The following OLFM2 variants were observed in gnomAD, a reference collection of about 807,000 sequenced individuals.
OLFM2 encodes the protein noelin-2.
Under a neutral mutation model 43.9 loss-of-function variants are expected in OLFM2, and 20 were observed. The ratio of observed to expected loss-of-function variants is 0.46; its 90% CI spans 0.32 to 0.66. OLFM2 has a LOEUF of 0.66. Among genes scored for constraint, OLFM2 ranks in the 30% least tolerant of loss-of-function variants. OLFM2 has a pLI of 0.04. For missense variants in OLFM2, 416 were observed against 643.6 expected, an observed-to-expected ratio of 0.65 and a Z score of 3.83; for synonymous variants, 268 against 278.6, an observed-to-expected ratio of 0.96 and a Z score of 0.38.
At chr19:9,875,183 C>A (rs1336147582) in intron 1 of OLFM2, among the ~76,000 whole-genome samples, 1 of 152,152 alleles carries the variant, frequency 6.6e-6, no homozygotes, top group Non-Finnish European at 1.5e-5. Context: ...GGATTCATTT[C>A]TTTAATATTT....
intron 1 of OLFM2, among the ~76,000 whole-genome samples, chr19:9,922,027 G>C (rs938826432): frequency 6.6e-6 from 1 of 151,514 alleles, no homozygotes; most frequent in Admixed American, 6.6e-5. Context: ...CCGGGAGATC[G>C]AGGCTGCAGT....
chr19:9,912,933 T>C (rs2046839218), intron 1 of OLFM2, among the ~76,000 whole-genome samples: 1 of 150,056 alleles, frequency 6.7e-6, no homozygotes, highest in Non-Finnish European at 1.5e-5. Flanking sequence ...GAAATATTAA[T>C]AGAAAGAGAC....
intron 1 of OLFM2, among the ~76,000 whole-genome samples, chr19:9,935,907 G>A (rs1395490585): frequency 6.6e-6 from 1 of 152,184 alleles, no homozygotes; most frequent in African/African-American, 2.4e-5. Context: ...TGCAGGCGAG[G>A]AGTGGAGGGC....
At position 9,879,226 on chromosome 19, in the gene OLFM2, G is replaced by A. The variant is rs1379869708; in HGVS notation, c.64-18432C>T. On this transcript the variant is annotated intron_variant, in intron 1 of 5. Transcript: ENST00000264833. ...CAGCTCGTTGCAACCTCCGCCTCCC[G>A]GGTTCAAGCGATTCTCCTGCCTCAG... 3.3e-5 allele frequency among the ~76,000 whole-genome samples: 5 copies of A among 152,250 alleles called. No individual in the cohort carries two copies. The East Asian group carries it at 5.8e-4, about 18-fold the overall frequency.
chr19:9,860,743 C>T lies in OLFM2; in HGVS notation c.115G>A (p.Ala39Thr). The T allele has an allele frequency of 6.2e-7, 1 of 1,609,536 alleles. No individual in the cohort carries two copies. The highest frequency in any genetic ancestry group is 8.5e-7 in the Non-Finnish European group (1 of 1,178,340). The stretch of plus-strand genomic sequence containing the variant: ...GTGCAGATGCATTTCCCGTCAGGGG[C>T]CTGGGCTGAGGTGTACAGCTGCCAG... ...EGWQLYTSAQ[A>T]PDGKCICTAV... Residue 39 changes from alanine (A) to threonine (T), a missense_variant, in exon 2 of 6, where the codon GCC becomes ACC. By Grantham distance (58) the Ala-to-Thr change is moderately conservative (BLOSUM62 0). Coordinates refer to ENST00000264833, the MANE Select transcript of OLFM2 (RefSeq NM_058164.4).
intron 1 of OLFM2, among the ~76,000 whole-genome samples, 181 bp from the exon 2 acceptor site, chr19:9,860,975 G>C (rs2046362128): frequency 6.6e-6 from 1 of 152,176 alleles, no homozygotes; most frequent in African/African-American, 2.4e-5. Flanking sequence ...CGGATGGCAA[G>C]ACTGAGGTGC....
At chr19:9,913,602 G>C (rs1161860479) in intron 1 of OLFM2, 15 of 1,306,766 alleles carry the variant, frequency 1.1e-5, no homozygotes, top group Middle Eastern at 6.1e-4. Context: ...CCGATCTTGA[G>C]CAGCGGCACC....
chr19:9,869,575 C>G (rs751087851), intron 1 of OLFM2, among the ~76,000 whole-genome samples: 31 of 152,128 alleles, frequency 2.0e-4, no homozygotes, highest in Non-Finnish European at 8.8e-5. Flanking sequence ...TTAGAACAGT[C>G]ATCAGCATGT....
Position 9,936,430 on chromosome 19 carries a change from G to A in OLFM2, c.-64C>T, listed in dbSNP as rs1169903820. On this transcript the variant is annotated 5_prime_UTR_variant, in exon 1 of 6. Coordinates refer to ENST00000264833, the MANE Select transcript of OLFM2 (RefSeq NM_058164.4). ...CTAGCGGCGCCTCGGCGCGGGGACC[G>A]CCACCAGGCGCGACCCCGCCCGCCC... is the stretch of plus-strand genomic sequence containing the variant. The A allele has an allele frequency of 4.0e-5, 44 of 1,108,880 alleles. No individual in the cohort carries two copies. The highest frequency in any genetic ancestry group is 5.2e-5 in the Admixed American group (1 of 19,386). 68.7% of individuals were successfully genotyped at this position (1,108,880 alleles called of 1,614,324 possible).
At chr19:9,863,644 C>T (rs891804410) in intron 1 of OLFM2, among the ~76,000 whole-genome samples, 2 of 151,868 alleles carry the variant, frequency 1.3e-5, no homozygotes, top group African/African-American at 4.8e-5. Context: ...AGAATCGGTG[C>T]CGTGAGCTGC....
chr19:9,855,223 CT>C (rs34795349), intron 5 of OLFM2, among the ~76,000 whole-genome samples: 68,129 of 141,726 alleles, frequency 0.48, 16,830 homozygotes, highest in Admixed American at 0.57. Flanking sequence ...TGCTATTGGT[CT>C]TTTTTTTTTT....
Position 9,920,766 on chromosome 19 carries a change from G to T in OLFM2, c.63+15538C>A, listed in dbSNP as rs1238145310. Among the ~76,000 whole-genome samples the T allele has an allele frequency of 4.7e-5, 7 of 148,664 alleles. No homozygotes were observed. The East Asian group carries it at 1.2e-3, about 25-fold the overall frequency. On this transcript the variant is annotated intron_variant, in intron 1 of 5. Transcript: ENST00000264833. Reference sequence around the variant, plus strand: ...CAAAAAAAAAAAAAAAAGTAGCCAGGTGTGGTGGCACAGACCTGCAATCCC... The same window carrying T: ...CAAAAAAAAAAAAAAAAGTAGCCAGTTGTGGTGGCACAGACCTGCAATCCC...
chr19:9,906,901 C>T (rs75029847), intron 1 of OLFM2, among the ~76,000 whole-genome samples: 1 of 152,292 alleles, frequency 6.6e-6, no homozygotes. Context: ...AATCATCTCC[C>T]TTGTTCAAAA....
intron 1 of OLFM2, among the ~76,000 whole-genome samples, chr19:9,868,243 G>T (rs2046417529): frequency 6.6e-6 from 1 of 151,978 alleles, no homozygotes; most frequent in South Asian, 2.1e-4. Flanking sequence ...TTGTATTTTT[G>T]TAGAGACGAG....
At chr19:9,934,131 G>A (rs1302732478) in intron 1 of OLFM2, among the ~76,000 whole-genome samples, 3 of 152,194 alleles carry the variant, frequency 2.0e-5, no homozygotes, top group Admixed American at 6.5e-5. Context: ...GGAAAGTGAT[G>A]GAGGGAGCGA....
Position 9,856,769 on chromosome 19 carries a change from C to T in OLFM2, c.687+38G>A, listed in dbSNP as rs1260490483. 3 of 1,551,054 alleles carry T rather than the reference C, an allele frequency of 1.9e-6. No homozygotes were observed. The highest frequency in any genetic ancestry group is 2.7e-6 in the Non-Finnish European group (3 of 1,129,810). On this transcript the variant is annotated intron_variant, in intron 5 of 5. Transcript: ENST00000264833. This position sits in a 1 kb window ranked among gnomAD's most constrained non-coding sequence, Gnocchi z 4.0. The stretch of plus-strand genomic sequence containing the variant: ...ATGGGCAGTCAAAGGCTCTGTCCCT[C>T]CCAGGCCCTGACCCCAGGGGTGGGC...
chr19:9,906,305 G>C (rs769363216), intron 1 of OLFM2, among the ~76,000 whole-genome samples: 1 of 143,832 alleles, frequency 7.0e-6, no homozygotes, highest in South Asian at 2.1e-4. Context: ...CACACAGGGT[G>C]GGGGAGAGGG....
chr19:9,874,133 T>G (rs1048544894), intron 1 of OLFM2, among the ~76,000 whole-genome samples: 2 of 152,164 alleles, frequency 1.3e-5, no homozygotes, highest in Non-Finnish European at 2.9e-5. Context: ...AACTCTAGAC[T>G]TTATTCAAAT....
intron 2 of OLFM2, 153 bp from the exon 3 acceptor site, chr19:9,858,014 A>C: frequency 1.1e-6 from 1 of 905,352 alleles, no homozygotes; most frequent in Non-Finnish European, 1.8e-6. Flanking sequence ...CAGCCTCCCA[A>C]TTGCGTGCCC....
Sources: allele counts gnomAD v4.1 joint callset (sites outside exome capture counted in the v4.1 genomes callset), GRCh38; gene constraint gnomAD v4.1.1; non-coding constraint Gnocchi (gnomAD v3.1); transcripts MANE v1.5; gene names NCBI Gene and HGNC (gene_info 2026-07-23, HGNC 2026-07-21).